Variants in IMMP1L observed in about 807,000 individuals in gnomAD.
The protein encoded by IMMP1L is inner mitochondrial membrane peptidase subunit 1.
A neutral mutation model predicts 21.8 loss-of-function variants in IMMP1L; 24 were observed. That is an observed-to-expected ratio of 1.10 (90% CI 0.80 to 1.55). The LOEUF is 1.55. IMMP1L is among the 40% of genes most tolerant of loss of function. IMMP1L has a pLI of 0.00. For missense variants in IMMP1L, 195 were observed against 200.7 expected, an observed-to-expected ratio of 0.97 and a Z score of 0.17; for synonymous variants, 46 against 62.8, an observed-to-expected ratio of 0.73 and a Z score of 1.26.
chr11:31,472,012 A>C (rs936526809), intron 1 of IMMP1L, among the ~76,000 whole-genome samples: 1 of 152,050 alleles, frequency 6.6e-6, no homozygotes, highest in African/African-American at 2.4e-5. Flanking sequence ...CAAAGCCTTT[A>C]ATCTCCCTGG....
At chr11:31,496,620 T>C (rs1439965883) in intron 1 of IMMP1L, among the ~76,000 whole-genome samples, 1 of 151,216 alleles carries the variant, frequency 6.6e-6, no homozygotes, top group Non-Finnish European at 1.5e-5. Context: ...GATATATGTG[T>C]GTGTGTGTGT....
chr11:31,495,049 C>T (rs1189268655), intron 1 of IMMP1L, among the ~76,000 whole-genome samples: 4 of 152,202 alleles, frequency 2.6e-5, no homozygotes, highest in African/African-American at 9.6e-5. Flanking sequence ...CAAAGTTCCA[C>T]GGATCTCCAG....
At chr11:31,436,085 T>G (rs530499386) in intron 4 of IMMP1L, among the ~76,000 whole-genome samples, 1 of 151,480 alleles carries the variant, frequency 6.6e-6, no homozygotes, top group Non-Finnish European at 1.5e-5. Flanking sequence ...TTGCATATAT[T>G]AGTCTTTGGG....
At chr11:31,458,909 A>G (rs760258830) in intron 3 of IMMP1L, among the ~76,000 whole-genome samples, 3 of 152,210 alleles carry the variant, frequency 2.0e-5, no homozygotes, top group Non-Finnish European at 4.4e-5. Flanking sequence ...AAAACTATTC[A>G]GCCAACAAGT....
intron 4 of IMMP1L, among the ~76,000 whole-genome samples, chr11:31,445,949 G>A (rs1297729058): frequency 6.6e-6 from 1 of 152,160 alleles, no homozygotes; most frequent in East Asian, 1.9e-4. Flanking sequence ...AAAGCATCCA[G>A]ATGTCATCTG....
chr11:31,437,439 G>A (rs1353814140), intron 4 of IMMP1L, among the ~76,000 whole-genome samples: 1 of 152,146 alleles, frequency 6.6e-6, no homozygotes, highest in Admixed American at 6.5e-5. Flanking sequence ...AGATTTGGGA[G>A]CATATTGGAT....
At chr11:31,443,043 T>C (rs1373517671) in intron 4 of IMMP1L, among the ~76,000 whole-genome samples, 1 of 152,168 alleles carries the variant, frequency 6.6e-6, no homozygotes, top group Non-Finnish European at 1.5e-5. Flanking sequence ...ATAATTAATA[T>C]TATGTAATTG....
At chr11:31,463,671 C>T (rs1385574236) in intron 1 of IMMP1L, among the ~76,000 whole-genome samples, 1 of 152,122 alleles carries the variant, frequency 6.6e-6, no homozygotes, top group Non-Finnish European at 1.5e-5. Flanking sequence ...CTATATATTA[C>T]TTCTTGCCAT....
intron 4 of IMMP1L, among the ~76,000 whole-genome samples, chr11:31,455,764 T>C (rs780562497): frequency 1.1e-4 from 16 of 152,108 alleles, no homozygotes; most frequent in Non-Finnish European, 2.2e-4. Context: ...CTCAATTTGA[T>C]ATTGTCTTAT....
chr11:31,437,347 T>G (rs889450948), intron 4 of IMMP1L, among the ~76,000 whole-genome samples: 12 of 152,206 alleles, frequency 7.9e-5, no homozygotes, highest in African/African-American at 2.9e-4. Context: ...AAGTTTTGAC[T>G]GTGTTTTGAC....
intron 1 of IMMP1L, among the ~76,000 whole-genome samples, chr11:31,505,646 T>A (rs995999032): frequency 6.6e-6 from 1 of 152,180 alleles, no homozygotes; most frequent in Non-Finnish European, 1.5e-5. Flanking sequence ...TGTATTTCCA[T>A]AAAGCTATAT....
intron 1 of IMMP1L, among the ~76,000 whole-genome samples, chr11:31,500,271 A>G (rs1179806628): frequency 6.6e-6 from 1 of 152,172 alleles, no homozygotes; most frequent in South Asian, 2.1e-4. Flanking sequence ...ACATGAATAA[A>G]GAGCCAACAT....
intron 3 of IMMP1L, among the ~76,000 whole-genome samples, chr11:31,460,148 C>T (rs549871142): frequency 6.6e-6 from 1 of 152,010 alleles, no homozygotes; most frequent in African/African-American, 2.4e-5. Flanking sequence ...CAGAGCAAGA[C>T]CTCATCCAAA....
At chr11:31,459,770 G>T (rs1288262376) in intron 3 of IMMP1L, among the ~76,000 whole-genome samples, 1 of 152,050 alleles carries the variant, frequency 6.6e-6, no homozygotes, top group Non-Finnish European at 1.5e-5. Context: ...CACAATATTT[G>T]CCCAGGAGTT....
intron 4 of IMMP1L, among the ~76,000 whole-genome samples, chr11:31,435,953 TAAC>T (rs1460814076): frequency 1.3e-5 from 2 of 152,190 alleles, no homozygotes; most frequent in African/African-American, 2.4e-5. Flanking sequence ...TTGTAAATAA[TAAC>T]TAATTTAATA....
chr11:31,477,582 A>G, intron 1 of IMMP1L: 1 of 982,218 alleles, frequency 1.0e-6, no homozygotes, highest in African/African-American at 1.7e-5. Context: ...AATGACATCC[A>G]AGAGATGGGA....
At chr11:31,445,339 C>G (rs1018139882) in intron 4 of IMMP1L, among the ~76,000 whole-genome samples, 42 of 152,292 alleles carry the variant, frequency 2.8e-4, no homozygotes, top group African/African-American at 9.9e-4. Flanking sequence ...CAAATCCAAA[C>G]TCATCCTATA....
chr11:31,441,286 A>T (rs1953319226), intron 4 of IMMP1L, among the ~76,000 whole-genome samples: 1 of 147,294 alleles, frequency 6.8e-6, no homozygotes, highest in Non-Finnish European at 1.5e-5. Flanking sequence ...AGGTTGGGGG[A>T]GCTTGTTGAA....
At chr11:31,438,423 G>C (rs1328564142) in intron 4 of IMMP1L, among the ~76,000 whole-genome samples, 1 of 152,008 alleles carries the variant, frequency 6.6e-6, no homozygotes, top group Non-Finnish European at 1.5e-5. Context: ...ATTTACCATG[G>C]ATACAAGTCC....
Sources: gnomAD v4.1 joint callset for allele counts (sites outside exome capture counted in the v4.1 genomes callset) on GRCh38, gnomAD v4.1.1 for gene constraint, MANE v1.5 for transcripts, NCBI Gene and HGNC (gene_info 2026-07-23, HGNC 2026-07-21) for gene names.